Variants in RBMXL3 observed in about 807,000 individuals in gnomAD.
The protein encoded by RBMXL3 is RNA-binding motif protein, X-linked-like-3.
Under a neutral mutation model 0.8 loss-of-function variants are expected in RBMXL3, and 2 were observed. The ratio of observed to expected loss-of-function variants is 2.54; its 90% CI spans 1.04 to 8.00. RBMXL3 has a LOEUF of 8.00. RBMXL3 is among the 30% of genes most tolerant of loss of function. RBMXL3 has a pLI of 0.04. For missense variants in RBMXL3, 1,127 were observed against 1,068.0 expected (o/e 1.06, Z -0.77); for synonymous variants, 447 against 449.8 (o/e 0.99, Z 0.08).
At position 115,192,438 on chromosome X, in the gene RBMXL3, C is replaced by T. The variant is rs782304143; in HGVS notation, c.2997C>T (p.Asp999=). The stretch of plus-strand genomic sequence containing the variant: ...CTGACGCCTACAGCGGCGACCACGA[C>T]AGATCCAGCAACAGTTACGGCCGGA... ...SLPDAYSGDH[D]RSSNSYGRSD... is the part of the protein sequence containing the mutation. Residue 999 remains aspartate, a synonymous_variant, in exon 1 of 1, where the codon GAC becomes GAT. Transcript: ENST00000424776. 132 of 1,167,035 alleles carry T rather than the reference C, an allele frequency of 1.1e-4. No homozygotes were observed. The African/African-American group carries it at 2.0e-3, about 18-fold the overall frequency.
In RBMXL3 at chrX:115,189,419, G is replaced by A. The variant is rs1556555996; in HGVS notation, c.-23G>A. The A allele has an allele frequency of 8.7e-7, 1 of 1,154,336 alleles. No homozygotes were observed. The highest frequency in any genetic ancestry group is 3.2e-5 in the East Asian group (1 of 30,778). On this transcript the variant is annotated 5_prime_UTR_variant, in exon 1 of 1. Coordinates refer to ENST00000424776, the MANE Select transcript of RBMXL3 (RefSeq NM_001145346.2). ...CGCGTCATCACTTCCCACTTCCTCT[G>A]ACCCACCATTCGGCAGGGAGACATG...
rs1375870645 is a variant in RBMXL3, at chrX:115,192,741, T to A, written c.*96T>A. 1.6e-5 allele frequency: 14 copies of A among 891,439 alleles called. No individual in the cohort carries two copies. The East Asian group carries it at 4.4e-4, about 28-fold the overall frequency. The allele number at this position is 891,439 out of a possible 1,213,427, so 73.5% of individuals were successfully genotyped here. ...ACCCAAGGACTAGTATAAGTAGGAG[T>A]TGTTTTTACCTTTTAAGAATTTCCT... is the stretch of plus-strand genomic sequence containing the variant. On this transcript the variant is annotated 3_prime_UTR_variant, in exon 1 of 1. Coordinates refer to ENST00000424776, the MANE Select transcript of RBMXL3 (RefSeq NM_001145346.2).
Position 115,190,003 on chromosome X carries a change from C to T in RBMXL3, c.562C>T (p.Gln188Ter). The T allele has an allele frequency of 1.7e-6, 2 of 1,161,393 alleles. No homozygotes were observed. Among genetic ancestry groups the T allele is most frequent in the Non-Finnish European group, 2.3e-6 (2 of 870,861 alleles). ...MRGKAPTVSGQDGYSGLQPRR... is the reference protein window; with the variant it reads ...MRGKAPTVSG ...CGGGAAGGCACCGACTGTGTCGGGGCAAGATGGCTACTCAGGCTTGCAGCC... is the reference window on the plus strand; with the variant it reads ...CGGGAAGGCACCGACTGTGTCGGGGTAAGATGGCTACTCAGGCTTGCAGCC... Residue 188 changes from glutamine to a stop codon, truncating the protein, a stop_gained, in exon 1 of 1, where the codon CAA becomes TAA. Transcript: ENST00000424776. LOFTEE classifies it low-confidence loss of function (END_TRUNC).
rs1556556887 is a variant in RBMXL3 at position 115,190,178 on chromosome X, G to C, written c.737G>C (p.Cys246Ser). 1 of 1,166,362 alleles carries C rather than the reference G, an allele frequency of 8.6e-7. No homozygotes were observed. The highest frequency in any genetic ancestry group is 2.6e-5 in the Admixed American group (1 of 38,852). ...CGGGTCCGGGAGCCACTGCCCCCGT[G>C]CCGCGACCCTGGGGATTTTGTCCCT... The part of the protein sequence containing the change: ...GPRVREPLPP[C>S]RDPGDFVPAL... Residue 246 changes from cysteine to serine, a missense_variant, in exon 1 of 1, where the codon TGC (cysteine) becomes TCC (serine). Transcript: ENST00000424776.
Position 115,191,196 on chromosome X carries a change from C to T in RBMXL3, c.1755C>T (p.Tyr585=), listed in dbSNP as rs73636269. ...GHDSSSQSNR[Y]GGGGCYEEYR... ...ACAGTTCCAGCCAGAGCAACCGCTACGGAGGAGGAGGCTGCTACGAGGAGT... is the reference window on the plus strand; with the variant it reads ...ACAGTTCCAGCCAGAGCAACCGCTATGGAGGAGGAGGCTGCTACGAGGAGT... The change falls in exon 1 of 1, where the codon TAC becomes TAT. Residue 585 remains tyrosine, a synonymous_variant. Coordinates refer to ENST00000424776, the MANE Select transcript of RBMXL3 (RefSeq NM_001145346.2). 1.4e-3 allele frequency: 1,660 copies of T among 1,154,271 alleles called. 16 individuals carry two copies. In the African/African-American group the frequency reaches 0.026, roughly 18 times the overall value.
rs2072779167 is a variant in RBMXL3, at chrX:115,190,253, A to G, written c.812A>G (p.Asp271Gly). The change falls in exon 1 of 1, where the codon GAC (aspartate) becomes GGC (glycine). Residue 271 changes from aspartate (D) to glycine (G), a missense_variant. Asp to Gly is a moderately conservative substitution (Grantham distance 94, BLOSUM62 -1). Transcript: ENST00000424776. ...TATTATGGCCACTCCAGTGTCCCGGACTACCGTCCCTTGAGAGGCGACGGC... is the reference window on the plus strand; with the variant it reads ...TATTATGGCCACTCCAGTGTCCCGGGCTACCGTCCCTTGAGAGGCGACGGC... ...RRYYGHSSVP[D>G]YRPLRGDGNQ... 1 of 1,157,062 alleles carries G rather than the reference A, an allele frequency of 8.6e-7. No individual in the cohort carries two copies. The highest frequency in any genetic ancestry group is 1.8e-5 in the African/African-American group (1 of 55,807).
chrX:115,192,123 C>T lies in RBMXL3; in HGVS notation c.2682C>T (p.Arg894=), dbSNP rs782270933. The stretch of plus-strand genomic sequence containing the variant: ...ACACCGAAGCCTACAGCAGGGGCCG[C>T]GACAGTTTCAGCAACAGCTATGGCC... ...DHYTEAYSRG[R]DSFSNSYGRS... The change falls in exon 1 of 1, where the codon CGC becomes CGT. Residue 894 remains arginine, a synonymous_variant. Coordinates refer to ENST00000424776, the MANE Select transcript of RBMXL3 (RefSeq NM_001145346.2). 33 of 1,165,791 alleles carry T rather than the reference C, an allele frequency of 2.8e-5. No individual in the cohort carries two copies. Among genetic ancestry groups the T allele is most frequent in the Middle Eastern group, 2.3e-4 (1 of 4,327 alleles).
At position 115,192,196 on chromosome X, in the gene RBMXL3, C is replaced by G. The variant is rs1556560946; in HGVS notation, c.2755C>G (p.Arg919Gly). ...AGGCTGCTACGAGGAATACCAAGGCCGCTCGCCCAATGCCTACGGCGGGGG... is the reference window on the plus strand; with the variant it reads ...AGGCTGCTACGAGGAATACCAAGGCGGCTCGCCCAATGCCTACGGCGGGGG... The part of the protein sequence containing the change: ...RGGCYEEYQG[R>G]SPNAYGGGRG... Residue 919 changes from arginine (R) to glycine (G), a missense_variant, in exon 1 of 1, where the codon CGC (arginine) becomes GGC (glycine). Arg to Gly is a moderately radical substitution (Grantham distance 125, BLOSUM62 -2). Coordinates refer to ENST00000424776, the MANE Select transcript of RBMXL3 (RefSeq NM_001145346.2). 2.1e-5 allele frequency: 25 copies of G among 1,165,568 alleles called. No individual in the cohort carries two copies. The South Asian group carries it at 4.2e-4, about 19-fold the overall frequency.
rs782729732 is a variant in RBMXL3 at position 115,189,833 on chromosome X, G to A, written c.392G>A (p.Arg131His). 4.8e-4 allele frequency: 564 copies of A among 1,166,285 alleles called. No homozygotes were observed. The highest frequency in any genetic ancestry group is 5.9e-4 in the Non-Finnish European group (517 of 872,872). ...TCTCAGGGCAGGCCTGATGACGGCC[G>A]CGGCTACGCGGGGTATTTCGACCTG... is the stretch of plus-strand genomic sequence containing the variant. ...PPSQGRPDDG[R>H]GYAGYFDLWP... The change falls in exon 1 of 1, where the codon CGC (arginine) becomes CAC (histidine). Residue 131 changes from arginine (R) to histidine (H), a missense_variant. Arg to His is a conservative substitution (Grantham distance 29). Transcript: ENST00000424776.
rs80194951 is a variant in RBMXL3 at position 115,191,822 on chromosome X, G to A, written c.2381G>A (p.Arg794His). The change falls in exon 1 of 1, where the codon CGC becomes CAC. Residue 794 changes from arginine (R) to histidine (H), a missense_variant. By Grantham distance (29) the Arg-to-His change is conservative. Coordinates refer to ENST00000424776, the MANE Select transcript of RBMXL3 (RefSeq NM_001145346.2). ...TCGCTCGATGCCAACAGCGGAGGCC[G>A]CTCACCCAATGCCTACAGCGGGGGC... ...GRSLDANSGG[R>H]SPNAYSGGHN... The A allele has an allele frequency of 0.14, 165,685 of 1,161,117 alleles. 8,950 individuals carry two copies. The highest frequency in any genetic ancestry group is 0.16 in the Non-Finnish European group (140,270 of 871,090).
Position 115,192,427 on chromosome X carries a change from G to T in RBMXL3, c.2986G>T (p.Gly996Cys). The T allele has an allele frequency of 8.6e-7, 1 of 1,166,929 alleles. No individual in the cohort carries two copies. The highest frequency in any genetic ancestry group is 1.1e-6 in the Non-Finnish European group (1 of 872,045). The change falls in exon 1 of 1, where the codon GGC becomes TGC. Residue 996 changes from glycine to cysteine, a missense_variant. By Grantham distance (159) the Gly-to-Cys change is radical. Transcript: ENST00000424776. ...GGGCAGCTTGCCTGACGCCTACAGC[G>T]GCGACCACGACAGATCCAGCAACAG... The part of the protein sequence containing the change: ...YQGSLPDAYS[G>C]DHDRSSNSYG...
chrX:115,191,220 G>C lies in RBMXL3; in HGVS notation c.1779G>C (p.Glu593Asp), dbSNP rs1332515387. 8.7e-7 allele frequency: 1 copy of C among 1,155,380 alleles called. No homozygotes were observed. The highest frequency in any genetic ancestry group is 3.4e-5 in the East Asian group (1 of 29,779). Residue 593 changes from glutamate (E) to aspartate (D), a missense_variant, in exon 1 of 1, where the codon GAG becomes GAC. Coordinates refer to ENST00000424776, the MANE Select transcript of RBMXL3 (RefSeq NM_001145346.2). ...ACGGAGGAGGAGGCTGCTACGAGGA[G>C]TACCGAGGCCGCTCCCTCGATGCCA... is the stretch of plus-strand genomic sequence containing the variant. ...NRYGGGGCYE[E>D]YRGRSLDANS...
At position 115,190,175 on chromosome X, in the gene RBMXL3, C is replaced by T. The variant is rs782514829; in HGVS notation, c.734C>T (p.Pro245Leu). The part of the protein sequence containing the change: ...SGPRVREPLP[P>L]CRDPGDFVPA... ...CCGCGGGTCCGGGAGCCACTGCCCC[C>T]GTGCCGCGACCCTGGGGATTTTGTC... is the stretch of plus-strand genomic sequence containing the variant. Residue 245 changes from proline (P) to leucine (L), a missense_variant, in exon 1 of 1, where the codon CCG becomes CTG. By Grantham distance (98) the Pro-to-Leu change is moderately conservative. Coordinates refer to ENST00000424776, the MANE Select transcript of RBMXL3 (RefSeq NM_001145346.2). The T allele has an allele frequency of 2.7e-5, 31 of 1,165,050 alleles. No individual in the cohort carries two copies. In the East Asian group the frequency reaches 5.9e-4, roughly 22 times the overall value.
Position 115,192,163 on chromosome X carries a change from G to A in RBMXL3, c.2722G>A (p.Gly908Arg), listed in dbSNP as rs782207404. Residue 908 changes from glycine (G) to arginine (R), a missense_variant, in exon 1 of 1, where the codon GGA becomes AGA. By Grantham distance (125) the Gly-to-Arg change is moderately radical (BLOSUM62 -2). Coordinates refer to ENST00000424776, the MANE Select transcript of RBMXL3 (RefSeq NM_001145346.2). ...SNSYGRSDHY[G>R]RGGCYEEYQG... is the part of the protein sequence containing the mutation. ...CAGCTATGGCCGGAGTGACCATTAC[G>A]GAAGAGGAGGCTGCTACGAGGAATA... is the stretch of plus-strand genomic sequence containing the variant. 28 of 1,165,465 alleles carry A rather than the reference G, an allele frequency of 2.4e-5. No individual in the cohort carries two copies. Among genetic ancestry groups the A allele is most frequent in the African/African-American group, 3.6e-5 (2 of 55,614 alleles).
Position 115,192,529 on chromosome X carries a change from G to C in RBMXL3, c.3088G>C (p.Glu1030Gln). 2 of 1,169,270 alleles carry C rather than the reference G, an allele frequency of 1.7e-6. No individual in the cohort carries two copies. Among genetic ancestry groups the C allele is most frequent in the Non-Finnish European group, 2.3e-6 (2 of 873,890 alleles). The change falls in exon 1 of 1, where the codon GAA becomes CAA. Residue 1030 changes from glutamate (E) to glutamine (Q), a missense_variant. Coordinates refer to ENST00000424776, the MANE Select transcript of RBMXL3 (RefSeq NM_001145346.2). Reference sequence around the variant, plus strand: ...GGATCGTGGGCTCCCTCTGCCCATGGAAACGGGCAGCCCTCCCCTGCATGA... The same window carrying C: ...GGATCGTGGGCTCCCTCTGCCCATGCAAACGGGCAGCCCTCCCCTGCATGA... ...RPDRGLPLPMETGSPPLHDSY... is the reference protein window; with the variant it reads ...RPDRGLPLPMQTGSPPLHDSY...
chrX:115,191,107 C>T lies in RBMXL3; in HGVS notation c.1666C>T (p.Arg556Ter), dbSNP rs868989868. The T allele has an allele frequency of 7.2e-5, 84 of 1,162,879 alleles. No homozygotes were observed. The highest frequency in any genetic ancestry group is 9.5e-5 in the Non-Finnish European group (83 of 871,660). Residue 556 changes from arginine to a stop codon, truncating the protein, a stop_gained, in exon 1 of 1, where the codon CGA (arginine) becomes TGA (stop). Transcript: ENST00000424776. LOFTEE classifies it low-confidence loss of function (END_TRUNC). ...TGGAGGAGAAGGCCGCTATGAGTAC[C>T]GAGGCCGCTCGCATGACGCCCACAG... ...RYGGEGRYEY[R>*]GRSHDAHSGG...
Position 115,191,179 on chromosome X carries a change from A to T in RBMXL3, c.1738A>T (p.Ser580Cys). 8.6e-7 allele frequency: 1 copy of T among 1,159,770 alleles called. No homozygotes were observed. ...DAYSGGHDSS[S>C]QSNRYGGGGC... ...CTACAGTGGGGGCCACGACAGTTCC[A>T]GCCAGAGCAACCGCTACGGAGGAGG... The change falls in exon 1 of 1, where the codon AGC (serine) becomes TGC (cysteine). Residue 580 changes from serine (S) to cysteine (C), a missense_variant. Physicochemically the swap from Ser to Cys is moderately radical, Grantham distance 112. Transcript: ENST00000424776.
rs1251918139 is a variant in RBMXL3, at chrX:115,190,534, G to C, written c.1093G>C (p.Ala365Pro). 2 of 1,158,728 alleles carry C rather than the reference G, an allele frequency of 1.7e-6. No individual in the cohort carries two copies. Among genetic ancestry groups the C allele is most frequent in the African/African-American group, 1.8e-5 (1 of 54,543 alleles). The change falls in exon 1 of 1, where the codon GCC becomes CCC. Residue 365 changes from alanine to proline, a missense_variant. Coordinates refer to ENST00000424776, the MANE Select transcript of RBMXL3 (RefSeq NM_001145346.2). ...CTACAGCAGGGACCACTCGCCCAAA[G>C]CCTATAGTGGGGGCCGCAGCAGTTC... The part of the protein sequence containing the change: ...DAYSRDHSPK[A>P]YSGGRSSSSN...
chrX:115,190,364 G>T lies in RBMXL3; in HGVS notation c.923G>T (p.Gly308Val). 8.6e-7 allele frequency: 1 copy of T among 1,162,745 alleles called. No individual in the cohort carries two copies. The highest frequency in any genetic ancestry group is 1.1e-6 in the Non-Finnish European group (1 of 870,383). ...TACCGAGAGCCCCTCAAGAGCTACG[G>T]AGGCCCATGCGGCGCTGCCCCTGTG... Reference protein sequence around the residue: ...GSYREPLKSYGGPCGAAPVWG... With the variant: ...GSYREPLKSYVGPCGAAPVWG... Residue 308 changes from glycine (G) to valine (V), a missense_variant, in exon 1 of 1, where the codon GGA becomes GTA. Coordinates refer to ENST00000424776, the MANE Select transcript of RBMXL3 (RefSeq NM_001145346.2).
Sources: gnomAD v4.1 joint callset for allele counts on GRCh38, gnomAD v4.1.1 for gene constraint, MANE v1.5 for transcripts, NCBI Gene and HGNC (gene_info 2026-07-23, HGNC 2026-07-21) for gene names.